The following MAGI2 variants were observed in gnomAD, a reference collection of about 807,000 sequenced individuals.
MAGI2 encodes the protein membrane-associated guanylate kinase, WW and PDZ domain-containing protein 2.
In MAGI2, 35 loss-of-function variants were observed where a neutral mutation model predicts 133.3. That is an observed-to-expected ratio of 0.26 (90% confidence interval 0.20 to 0.35). The LOEUF is 0.35. Ranked by LOEUF, MAGI2 falls within the 10% of genes least tolerant of loss-of-function variation. The pLI is 1.00. For missense variants in MAGI2, 1,636 were observed against 1,863.4 expected (o/e 0.88, Z 2.25); for synonymous variants, 729 against 710.6 (o/e 1.03, Z -0.41).
chr7:78,497,923 C>A (rs1202449941), intron 5 of MAGI2, among the ~76,000 whole-genome samples: 1 of 152,246 alleles, frequency 6.6e-6, no homozygotes, highest in East Asian at 1.9e-4. Context: ...GCAGCTCTCA[C>A]AATATCTGTA....
intron 3 of MAGI2, among the ~76,000 whole-genome samples, chr7:78,586,282 T>C (rs1297548599): frequency 2.0e-5 from 3 of 152,206 alleles, no homozygotes; most frequent in African/African-American, 7.2e-5. Flanking sequence ...GAAGGAACTT[T>C]GGCTAGCTTA....
intron 2 of MAGI2, among the ~76,000 whole-genome samples, chr7:78,919,302 A>C (rs2151630847): frequency 6.6e-6 from 1 of 152,194 alleles, no homozygotes; most frequent in East Asian, 1.9e-4. Context: ...CAAGTGTATG[A>C]ATTCATTAAT....
At chr7:78,955,514 A>G (rs967634455) in intron 2 of MAGI2, among the ~76,000 whole-genome samples, 2 of 151,750 alleles carry the variant, frequency 1.3e-5, no homozygotes, top group African/African-American at 4.8e-5. Context: ...AAAAAATAAG[A>G]CTCCCTTCTT....
chr7:78,240,891 AAC>A (rs1791064641), intron 10 of MAGI2, among the ~76,000 whole-genome samples: 2 of 145,006 alleles, frequency 1.4e-5, no homozygotes, highest in Non-Finnish European at 3.0e-5. Context: ...GTACACAATA[AAC>A]ACATATAATT....
chr7:78,936,014 T>A (rs1239859477), intron 2 of MAGI2, among the ~76,000 whole-genome samples: 1 of 152,146 alleles, frequency 6.6e-6, no homozygotes, highest in East Asian at 1.9e-4. Flanking sequence ...ATCAATACAT[T>A]TCATGTCTTC....
At chr7:79,177,633 G>A (rs1177687406) in intron 1 of MAGI2, among the ~76,000 whole-genome samples, 1 of 152,050 alleles carries the variant, frequency 6.6e-6, no homozygotes. Context: ...TACATGCTGT[G>A]TAGGGGATAT....
intron 1 of MAGI2, chr7:79,414,538 C>A (rs575900641): frequency 2.0e-4 from 30 of 152,184 alleles, no homozygotes; most frequent in African/African-American, 6.5e-4. Context: ...ATTTCTGAAA[C>A]CTTCCAGCCA....
rs1018716875 is a variant in MAGI2, at chr7:79,241,681, C to T, written c.301+211339G>A. On this transcript the variant is annotated intron_variant, in intron 1 of 21. Coordinates refer to ENST00000354212, the MANE Select transcript of MAGI2 (RefSeq NM_012301.4). ...GACAAGATTAGGCTATGGGAGGTGC[C>T]TTTCATAGCATGCCTTTCTATAATT... is the stretch of plus-strand genomic sequence containing the variant. Among the ~76,000 whole-genome samples, 7 of 152,038 alleles carry T rather than the reference C, an allele frequency of 4.6e-5. No individual in the cohort carries two copies. The East Asian group carries it at 1.3e-3, about 29-fold the overall frequency.
At chr7:78,522,121 G>A (rs1046861648) in intron 3 of MAGI2, among the ~76,000 whole-genome samples, 1 of 152,108 alleles carries the variant, frequency 6.6e-6, no homozygotes, top group Non-Finnish European at 1.5e-5. Context: ...TCCTTGATGT[G>A]CACAGCATCC....
intron 1 of MAGI2, among the ~76,000 whole-genome samples, chr7:79,123,243 C>T (rs1395276339): frequency 6.6e-6 from 1 of 152,116 alleles, no homozygotes; most frequent in Admixed American, 6.6e-5. Context: ...ATGATAAGTA[C>T]AAATATGGGT....
rs74536470 is a variant in MAGI2 at position 78,879,773 on chromosome 7, G to A, written c.418+127317C>T. ...AGAAATAAAAAATAAAGAATTCAAAGCATGTATTGCAAAGAAGCTTAATGA... is the reference window on the plus strand; with the variant it reads ...AGAAATAAAAAATAAAGAATTCAAAACATGTATTGCAAAGAAGCTTAATGA... On this transcript the variant is annotated intron_variant, in intron 2 of 21. Coordinates refer to ENST00000354212, the MANE Select transcript of MAGI2 (RefSeq NM_012301.4). Among the ~76,000 whole-genome samples the A allele has an allele frequency of 9.7e-4, 148 of 151,954 alleles. 5 individuals carry two copies. In the East Asian group the frequency reaches 0.026, roughly 26 times the overall value.
At chr7:78,545,742 A>C (rs62468613) in intron 3 of MAGI2, among the ~76,000 whole-genome samples, 1 of 152,184 alleles carries the variant, frequency 6.6e-6, no homozygotes, top group Non-Finnish European at 1.5e-5. Context: ...TTTGTGTAGA[A>C]CATATTGATA....
Position 78,194,914 on chromosome 7 carries a change from A to G in MAGI2, c.2229T>C (p.Tyr743=). The change falls in exon 12 of 22, where the codon TAT becomes TAC. Residue 743 remains tyrosine, a synonymous_variant. Coordinates refer to ENST00000354212, the MANE Select transcript of MAGI2 (RefSeq NM_012301.4). The part of the protein sequence containing the change: ...EAFDPRKPDP[Y]ELYEKSRAIY... ...TGGCCCTAGATTTCTCGTAGAGCTC[A>G]TATGGATCAGGCTTCCGTGGGTCAA... is the stretch of plus-strand genomic sequence containing the variant. The G allele has an allele frequency of 1.9e-6, 3 of 1,613,348 alleles. No individual in the cohort carries two copies. The highest frequency in any genetic ancestry group is 2.5e-6 in the Non-Finnish European group (3 of 1,179,756).
chr7:79,314,394 C>A (rs1838544119), intron 1 of MAGI2, among the ~76,000 whole-genome samples: 1 of 152,172 alleles, frequency 6.6e-6, no homozygotes, highest in African/African-American at 2.4e-5. Flanking sequence ...CGGGAATAAG[C>A]CACCGTGCCT....
At chr7:78,664,996 C>G (rs975964883) in intron 2 of MAGI2, among the ~76,000 whole-genome samples, 19 of 151,970 alleles carry the variant, frequency 1.3e-4, no homozygotes, top group Non-Finnish European at 2.4e-4. Context: ...GGCATAATGT[C>G]TTGTTATAAG....
chr7:78,852,979 A>C (rs1373520150), intron 2 of MAGI2, among the ~76,000 whole-genome samples: 1 of 152,186 alleles, frequency 6.6e-6, no homozygotes, highest in Non-Finnish European at 1.5e-5. Flanking sequence ...TGAATTAGCT[A>C]TTCAGTTTTC....
intron 1 of MAGI2, among the ~76,000 whole-genome samples, chr7:79,377,958 T>A (rs10262441): frequency 0.17 from 26,245 of 151,454 alleles, 2,551 homozygotes; most frequent in African/African-American, 0.26. Context: ...TGTCAAAAAA[T>A]ACAGTTCATT....
chr7:78,736,082 CAAAG>C (rs1309660916), intron 2 of MAGI2, among the ~76,000 whole-genome samples: 1 of 152,074 alleles, frequency 6.6e-6, no homozygotes, highest in African/African-American at 2.4e-5. Context: ...TGAATAAGCA[CAAAG>C]AGAGATAAGA....
At chr7:78,793,208 G>A (rs533960877) in intron 2 of MAGI2, among the ~76,000 whole-genome samples, 10 of 152,200 alleles carry the variant, frequency 6.6e-5, no homozygotes, top group Non-Finnish European at 1.2e-4. Context: ...GTGTAGAGGA[G>A]AGACTCCAAC....
Sources: allele counts gnomAD v4.1 joint callset (sites outside exome capture counted in the v4.1 genomes callset), GRCh38; gene constraint gnomAD v4.1.1; transcripts MANE v1.5; gene names NCBI Gene and HGNC (gene_info 2026-07-23, HGNC 2026-07-21).